Variants in LRRC4C observed in about 807,000 individuals in gnomAD.
The protein encoded by LRRC4C is leucine rich repeat containing 4C.
LRRC4C carries 5 observed loss-of-function variants against 33.6 expected under a neutral mutation model. The observed-to-expected ratio is 0.15, with a 90% CI of 0.08 to 0.31. LRRC4C has a LOEUF of 0.31. Among genes scored for constraint, LRRC4C ranks in the 10% least tolerant of loss-of-function variants. LRRC4C has a pLI of 1.00. For synonymous variants in LRRC4C, 329 were observed against 302.0 expected, an observed-to-expected ratio of 1.09 and a Z score of -0.93; for missense variants, 560 against 796.7, an observed-to-expected ratio of 0.70 and a Z score of 3.58.
intron 3 of LRRC4C, among the ~76,000 whole-genome samples, chr11:40,368,781 C>T (rs1172131316): frequency 6.6e-6 from 1 of 152,100 alleles, no homozygotes; most frequent in Non-Finnish European, 1.5e-5. Flanking sequence ...GTGAATGTTA[C>T]CCGTCCCCTG....
At chr11:41,072,367 A>AT (rs796356475) in intron 1 of LRRC4C, among the ~76,000 whole-genome samples, 3 of 128,128 alleles carry the variant, frequency 2.3e-5, no homozygotes, top group Admixed American at 1.6e-4. Context: ...GTATTTTAAA[A>AT]TTAAAAAAAA....
rs1410477893 is a variant in LRRC4C, at chr11:40,122,104, C to T, written c.-42-5770G>A. Among the ~76,000 whole-genome samples the T allele has an allele frequency of 2.6e-5, 4 of 152,128 alleles. No homozygotes were observed. In the South Asian group the frequency reaches 8.3e-4, roughly 31 times the overall value. The stretch of plus-strand genomic sequence containing the variant: ...AGTCTTTCATGGAAAATTCAACAGA[C>T]ATCTGTGCTCAGATTTACTGACTCT... On this transcript the variant is annotated intron_variant, in intron 6 of 6. Coordinates refer to ENST00000528697, the MANE Select transcript of LRRC4C (RefSeq NM_001258419.2).
intron 2 of LRRC4C, among the ~76,000 whole-genome samples, chr11:40,666,241 T>C (rs1053693864): frequency 6.6e-6 from 1 of 152,182 alleles, no homozygotes; most frequent in Admixed American, 6.5e-5. Context: ...AATGTATCTC[T>C]ACAATTTATT....
chr11:41,170,348 C>T (rs1429024790), intron 1 of LRRC4C, among the ~76,000 whole-genome samples: 1 of 152,150 alleles, frequency 6.6e-6, no homozygotes, highest in Non-Finnish European at 1.5e-5. Flanking sequence ...TACCTGACTT[C>T]AAACTATACT....
In LRRC4C at chr11:41,411,142, A is replaced by ATTTTTTTTTTTTTTTTTT. The variant is rs370574515; in HGVS notation, c.-496+48271_-496+48288dup. ...ATGAGAAACACTTGGTTGGTACCCT[A>ATTTTTTTTTTTTTTTTTT]TTTTTTTTTTTTTTTTTTTTTTTTG... On this transcript the variant is annotated intron_variant, in intron 1 of 6. Transcript: ENST00000528697. Among the ~76,000 whole-genome samples, 78 of 57,212 alleles carry ATTTTTTTTTTTTTTTTTT rather than the reference A, an allele frequency of 1.4e-3. 8 individuals are homozygous for ATTTTTTTTTTTTTTTTTT. The highest frequency in any genetic ancestry group is 4.4e-3 in the African/African-American group (38 of 8,602). 37.5% of individuals were successfully genotyped at this position (57,212 alleles called of 152,430 possible). A position where few individuals can be genotyped will look rare whatever the true frequency, so the allele number is the denominator to read the frequency against.
intron 1 of LRRC4C, among the ~76,000 whole-genome samples, chr11:41,435,550 G>A (rs1431336203): frequency 6.6e-6 from 1 of 152,138 alleles, no homozygotes; most frequent in Non-Finnish European, 1.5e-5. Context: ...ATTCCACTAT[G>A]TGCTTTACAC....
intron 2 of LRRC4C, among the ~76,000 whole-genome samples, chr11:40,748,029 G>A (rs1303846483): frequency 6.6e-6 from 1 of 152,122 alleles, no homozygotes; most frequent in Admixed American, 6.6e-5. Flanking sequence ...TCTAGCAAGA[G>A]CATTAGACAC....
intron 5 of LRRC4C, among the ~76,000 whole-genome samples, chr11:40,235,003 C>T (rs1590782767): frequency 2.0e-5 from 3 of 152,212 alleles, no homozygotes; most frequent in Admixed American, 2.0e-4. Flanking sequence ...GAAAACTAAA[C>T]ACATTTCCAC....
rs570201441 is a variant in LRRC4C, at chr11:41,447,720, C to T, written c.-496+11711G>A. Among the ~76,000 whole-genome samples the T allele has an allele frequency of 6.6e-5, 10 of 152,200 alleles. No individual in the cohort carries two copies. The South Asian group carries it at 8.3e-4, about 13-fold the overall frequency. On this transcript the variant is annotated intron_variant, in intron 1 of 6. Coordinates refer to ENST00000528697, the MANE Select transcript of LRRC4C (RefSeq NM_001258419.2). ...TAACTAAATATAGCACCACAATCTA[C>T]GACACAAAAATGTTCCAACATTCAC...
chr11:41,239,914 A>T (rs1948182697), intron 1 of LRRC4C, among the ~76,000 whole-genome samples: 1 of 152,210 alleles, frequency 6.6e-6, no homozygotes, highest in South Asian at 2.1e-4. Context: ...ACTGCTAAGT[A>T]CAGTTCTAGT....
intron 1 of LRRC4C, among the ~76,000 whole-genome samples, chr11:41,272,738 T>C (rs1591123219): frequency 6.6e-6 from 1 of 152,198 alleles, no homozygotes; most frequent in African/African-American, 2.4e-5. Context: ...AAAGAAGGTA[T>C]GCTTATTTCC....
intron 1 of LRRC4C, among the ~76,000 whole-genome samples, chr11:41,337,418 G>GACAAAA (rs143368546): frequency 0.37 from 56,560 of 151,564 alleles, 12,255 homozygotes; most frequent in Non-Finnish European, 0.48. Flanking sequence ...CAGCAAACCT[G>GACAAAA]ACAAAAACAA....
chr11:40,135,522 G>A (rs1168645470), intron 6 of LRRC4C, among the ~76,000 whole-genome samples: 1 of 152,164 alleles, frequency 6.6e-6, no homozygotes, highest in Non-Finnish European at 1.5e-5. Flanking sequence ...AAATAGAGCT[G>A]TACATGAAAA....
intron 1 of LRRC4C, among the ~76,000 whole-genome samples, chr11:41,079,829 T>A (rs1939430724): frequency 6.6e-6 from 1 of 152,160 alleles, no homozygotes; most frequent in African/African-American, 2.4e-5. Flanking sequence ...GTGTGCTTTG[T>A]GTGTGGCCCA....
At chr11:40,836,036 C>CT (rs1331761566) in intron 2 of LRRC4C, among the ~76,000 whole-genome samples, 1 of 152,124 alleles carries the variant, frequency 6.6e-6, no homozygotes, top group Non-Finnish European at 1.5e-5. Flanking sequence ...ATTCCAGTCA[C>CT]TGTACGTTCA....
intron 3 of LRRC4C, among the ~76,000 whole-genome samples, chr11:40,436,720 C>T (rs1951154803): frequency 6.6e-6 from 1 of 152,152 alleles, no homozygotes; most frequent in Admixed American, 6.5e-5. Flanking sequence ...CGAAACGTAA[C>T]ACACCAGCTG....
At chr11:40,896,500 T>C (rs1955946161) in intron 2 of LRRC4C, among the ~76,000 whole-genome samples, 1 of 151,900 alleles carries the variant, frequency 6.6e-6, no homozygotes, top group Non-Finnish European at 1.5e-5. Flanking sequence ...AACTTGAGAA[T>C]GTAACAAATG....
intron 1 of LRRC4C, among the ~76,000 whole-genome samples, chr11:41,372,679 C>T (rs772697825): frequency 2.5e-4 from 38 of 151,308 alleles, no homozygotes; most frequent in Non-Finnish European, 4.9e-4. Flanking sequence ...GTATTGCTAA[C>T]ATCCATCCTT....
chr11:40,274,532 A>G (rs762580513), intron 4 of LRRC4C, among the ~76,000 whole-genome samples: 1 of 151,862 alleles, frequency 6.6e-6, no homozygotes, highest in Non-Finnish European at 1.5e-5. Context: ...TACATTTGAT[A>G]AGCATAATGA....
Sources: gnomAD v4.1 joint callset for allele counts (sites outside exome capture counted in the v4.1 genomes callset) on GRCh38, gnomAD v4.1.1 for gene constraint, MANE v1.5 for transcripts, NCBI Gene and HGNC (gene_info 2026-07-23, HGNC 2026-07-21) for gene names.